The following DNM3 variants were observed in gnomAD, a reference collection of about 807,000 sequenced individuals.
The protein encoded by DNM3 is dynamin 3, also known as dynamin-3.
In DNM3, 47 loss-of-function variants were observed where a neutral mutation model predicts 101.6. The ratio of observed to expected loss-of-function variants is 0.46; its 90% CI spans 0.37 to 0.59. The LOEUF (loss-of-function observed/expected upper bound fraction) is 0.59. Ranked by LOEUF, DNM3 falls within the 20% of genes least tolerant of loss-of-function variation. DNM3 has a pLI of 0.00. For missense variants in DNM3, 849 were observed against 1,085.7 expected (o/e 0.78, Z 3.06); for synonymous variants, 385 against 387.9 (o/e 0.99, Z 0.09).
intron 1 of DNM3, 102 bp from the exon 2 acceptor site, chr1:171,921,646 G>C (rs930748457): frequency 1.1e-6 from 1 of 895,184 alleles, no homozygotes; most frequent in Non-Finnish European, 1.8e-6. Flanking sequence ...GCGATACATT[G>C]AAAGGTTGGG....
chr1:172,240,211 C>T (rs2061698437), intron 14 of DNM3, among the ~76,000 whole-genome samples: 1 of 152,132 alleles, frequency 6.6e-6, no homozygotes, highest in Non-Finnish European at 1.5e-5. Context: ...AAACCTACAA[C>T]AGTTCAACAG....
chr1:172,098,358 A>G (rs2147860163), intron 13 of DNM3, among the ~76,000 whole-genome samples: 1 of 152,316 alleles, frequency 6.6e-6, no homozygotes, highest in Non-Finnish European at 1.5e-5. Flanking sequence ...GAAGAGAAAT[A>G]TGGCTCTGTT....
At chr1:172,155,293 C>CAA (rs35898752) in intron 14 of DNM3, among the ~76,000 whole-genome samples, 2 of 129,606 alleles carry the variant, frequency 1.5e-5, no homozygotes. Flanking sequence ...TTGTGCTTTG[C>CAA]AAAAAAAAAA....
At chr1:172,045,067 G>A (rs1236431656) in intron 9 of DNM3, among the ~76,000 whole-genome samples, 1 of 151,956 alleles carries the variant, frequency 6.6e-6, no homozygotes, top group African/African-American at 2.4e-5. Context: ...GCAAAGAGGT[G>A]AGCGGGCACA....
In DNM3 at chr1:171,977,712, T is replaced by G. The variant is rs374350902; in HGVS notation, c.236-9944T>G. 3.3e-5 allele frequency among the ~76,000 whole-genome samples: 5 copies of G among 152,332 alleles called. No individual in the cohort carries two copies. In the East Asian group the frequency reaches 9.6e-4, roughly 29 times the overall value. ...ATATGAAAAATATTCCTGGTTTTCC[T>G]TCTATCTCTTTGTTTACTCTTTCAG... On this transcript the variant is annotated intron_variant, in intron 2 of 20. Coordinates refer to ENST00000627582, the MANE Select transcript of DNM3 (RefSeq NM_015569.5).
intron 11 of DNM3, among the ~76,000 whole-genome samples, chr1:172,074,918 T>C (rs999519964): frequency 2.6e-5 from 4 of 152,208 alleles, no homozygotes; most frequent in African/African-American, 9.6e-5. Context: ...TTGAACTAAT[T>C]TACACTCCCA....
intron 14 of DNM3, among the ~76,000 whole-genome samples, chr1:172,197,766 T>C (rs568934928): frequency 4.6e-5 from 7 of 152,304 alleles, no homozygotes; most frequent in South Asian, 2.1e-4. Flanking sequence ...TTTTGTATCC[T>C]GCAAATTTGC....
chr1:171,869,101 A>G (rs1052774167), intron 1 of DNM3, among the ~76,000 whole-genome samples: 13 of 152,186 alleles, frequency 8.5e-5, no homozygotes, highest in Non-Finnish European at 1.8e-4. Context: ...TTCTTAAACT[A>G]CAATTGCAGA....
chr1:172,144,746 A>T (rs2057786430), intron 14 of DNM3: 1 of 370,404 alleles, frequency 2.7e-6, no homozygotes, highest in Non-Finnish European at 5.6e-6. Flanking sequence ...GCGCTGACTG[A>T]GACACACTCA....
intron 14 of DNM3, among the ~76,000 whole-genome samples, chr1:172,146,184 A>G (rs752896964): frequency 1.3e-5 from 2 of 152,212 alleles, no homozygotes; most frequent in Non-Finnish European, 2.9e-5. Flanking sequence ...TACTTTTTAG[A>G]AGTAGAAAAA....
At chr1:172,264,317 A>T (rs1229600369) in intron 15 of DNM3, among the ~76,000 whole-genome samples, 2 of 152,166 alleles carry the variant, frequency 1.3e-5, no homozygotes, top group Non-Finnish European at 2.9e-5. Flanking sequence ...GGACTTACCC[A>T]TGTCAGTTTA....
At chr1:171,935,769 C>CTTTTTTTTTTTTT in intron 2 of DNM3, among the ~76,000 whole-genome samples, 1 of 47,990 alleles carries the variant, frequency 2.1e-5, no homozygotes, top group Non-Finnish European at 3.9e-5. Context: ...CAAATCAAAA[C>CTTTTTTTTTTTTT]TTTTTTTTTT....
chr1:171,948,285 C>T (rs1450296556), intron 2 of DNM3, among the ~76,000 whole-genome samples: 3 of 152,160 alleles, frequency 2.0e-5, no homozygotes, highest in African/African-American at 4.8e-5. Context: ...TAAGACCTCA[C>T]AATTTAAGCA....
chr1:172,384,301 T>C (rs1416295000), intron 18 of DNM3, among the ~76,000 whole-genome samples: 1 of 152,230 alleles, frequency 6.6e-6, no homozygotes, highest in Non-Finnish European at 1.5e-5. Flanking sequence ...AACAGCTGTC[T>C]ATTGTTCTCC....
intron 14 of DNM3, among the ~76,000 whole-genome samples, chr1:172,169,653 T>C (rs540665383): frequency 6.6e-6 from 1 of 152,048 alleles, no homozygotes; most frequent in African/African-American, 2.4e-5. Context: ...CTAGAATTAA[T>C]AATAACCAGA....
chr1:172,013,660 G>A (rs559572360), intron 4 of DNM3, among the ~76,000 whole-genome samples: 2 of 152,090 alleles, frequency 1.3e-5, no homozygotes, highest in East Asian at 1.9e-4. Flanking sequence ...CATTAATGAG[G>A]TCTGAAAGAA....
chr1:172,218,104 T>C (rs1219157368), intron 14 of DNM3, among the ~76,000 whole-genome samples: 3 of 152,136 alleles, frequency 2.0e-5, no homozygotes, highest in Admixed American at 6.5e-5. Flanking sequence ...GTCCTTTTCA[T>C]TTGTGGAATT....
chr1:172,358,590 C>T (rs1372611136), intron 17 of DNM3, among the ~76,000 whole-genome samples: 1 of 152,004 alleles, frequency 6.6e-6, no homozygotes, highest in African/African-American at 2.4e-5. Context: ...CCCTCCCCCA[C>T]CAGAATGAAA....
At chr1:172,006,713 T>G (rs530277829) in intron 4 of DNM3, among the ~76,000 whole-genome samples, 18 of 152,150 alleles carry the variant, frequency 1.2e-4, no homozygotes, top group Admixed American at 3.3e-4. Flanking sequence ...GCATTCTAAG[T>G]GTAAAGTTTG....
Sources: allele counts gnomAD v4.1 joint callset (sites outside exome capture counted in the v4.1 genomes callset), GRCh38; gene constraint gnomAD v4.1.1; transcripts MANE v1.5; gene names NCBI Gene and HGNC (gene_info 2026-07-23, HGNC 2026-07-21).